TECRL: variants seen among roughly 807,000 people sequenced by gnomAD.
The protein encoded by TECRL is trans-2,3-enoyl-CoA reductase like, also known as trans-2,3-enoyl-CoA reductase-like.
TECRL carries 63 observed loss-of-function variants against 52.8 expected under a neutral mutation model. The observed-to-expected ratio is 1.19, with a 90% CI of 0.97 to 1.47. TECRL has a LOEUF of 1.47. Ranked by LOEUF, TECRL falls within the 40% of genes most tolerant of loss-of-function variation. TECRL has a pLI of 0.00. For synonymous variants in TECRL, 164 were observed against 141.9 expected, an observed-to-expected ratio of 1.16 and a Z score of -1.10; for missense variants, 482 against 429.6, an observed-to-expected ratio of 1.12 and a Z score of -1.08.
At chr4:64,367,638 G>A (rs1018423709) in intron 2 of TECRL, among the ~76,000 whole-genome samples, 4 of 136,196 alleles carry the variant, frequency 2.9e-5, no homozygotes, top group East Asian at 4.6e-4. Context: ...TTTTAATGCC[G>A]AATAAGAAAT....
At chr4:64,382,968 C>A (rs1487006444) in intron 1 of TECRL, among the ~76,000 whole-genome samples, 1 of 152,088 alleles carries the variant, frequency 6.6e-6, no homozygotes, top group South Asian at 2.1e-4. Context: ...CTTGTAGGAT[C>A]AGTCTTGTGG....
intron 1 of TECRL, among the ~76,000 whole-genome samples, chr4:64,404,145 T>C (rs1354760264): frequency 6.6e-6 from 1 of 151,162 alleles, no homozygotes; most frequent in Middle Eastern, 3.2e-3. Context: ...ATTTTTACTA[T>C]TAGAAGAATT....
chr4:64,383,784 T>A (rs1393654203), intron 1 of TECRL, among the ~76,000 whole-genome samples: 1 of 152,128 alleles, frequency 6.6e-6, no homozygotes, highest in Non-Finnish European at 1.5e-5. Context: ...ACATTTCTTG[T>A]CATGATTTCT....
intron 8 of TECRL, chr4:64,299,095 T>C (rs1723856971): frequency 1.3e-5 from 2 of 151,140 alleles, no homozygotes; most frequent in Middle Eastern, 3.4e-3. Flanking sequence ...CCAAACTATA[T>C]GCTGAAAAGA....
intron 4 of TECRL, among the ~76,000 whole-genome samples, chr4:64,315,411 C>CAAAAGATT (rs1717429209): frequency 6.6e-6 from 1 of 151,998 alleles, no homozygotes; most frequent in African/African-American, 2.4e-5. Flanking sequence ...GAAGTGATTG[C>CAAAAGATT]AAAAGATTAA....
chr4:64,299,717 A>C (rs1313697937), intron 8 of TECRL, among the ~76,000 whole-genome samples: 1 of 151,040 alleles, frequency 6.6e-6, no homozygotes. Context: ...CAGTGAGTAT[A>C]AATTTTTCAA....
At chr4:64,398,438 C>A (rs1194247222) in intron 1 of TECRL, among the ~76,000 whole-genome samples, 1 of 152,168 alleles carries the variant, frequency 6.6e-6, no homozygotes, top group African/African-American at 2.4e-5. Flanking sequence ...TGAGTTCTCA[C>A]AAGATCTGGT....
intron 2 of TECRL, among the ~76,000 whole-genome samples, chr4:64,364,214 G>T (rs1012655529): frequency 2.6e-5 from 4 of 151,838 alleles, no homozygotes; most frequent in African/African-American, 4.8e-5. Flanking sequence ...TTCAAAACTA[G>T]TGAAAACAAA....
At chr4:64,276,950 T>C, downstream of TECRL, 1 of 1,023,116 alleles carries the variant, frequency 9.8e-7, no homozygotes, top group Non-Finnish European at 1.4e-6. Flanking sequence ...TAAAAATGTG[T>C]ACATGGCTGC....
At chr4:64,355,695 G>C (rs553699890) in intron 2 of TECRL, among the ~76,000 whole-genome samples, 3 of 151,306 alleles carry the variant, frequency 2.0e-5, no homozygotes, top group South Asian at 2.1e-4. Flanking sequence ...CCAGCTACTT[G>C]GGAGGCTGAG....
At position 64,285,754 on chromosome 4, in the gene TECRL, G is replaced by A. The variant is rs1274161907; in HGVS notation, c.832+3956C>T. ...AATTGAATACAATTATCTGAAATTA[G>A]TTGAGGCCAGAGGTTGTCATCTTGG... On this transcript the variant is annotated intron_variant, in intron 9 of 11. Coordinates refer to ENST00000381210, the MANE Select transcript of TECRL (RefSeq NM_001010874.5). 2.6e-5 allele frequency among the ~76,000 whole-genome samples: 4 copies of A among 152,086 alleles called. No homozygotes were observed. In the East Asian group the frequency reaches 5.8e-4, roughly 22 times the overall value.
chr4:64,377,937 A>G (rs143293314), intron 1 of TECRL, among the ~76,000 whole-genome samples: 1,881 of 152,236 alleles, frequency 0.012, 47 homozygotes, highest in African/African-American at 0.043. Context: ...ATTAAAGTAT[A>G]AGAAAAAACA....
intron 1 of TECRL, among the ~76,000 whole-genome samples, chr4:64,389,499 C>A (rs1264556167): frequency 6.6e-6 from 1 of 151,944 alleles, no homozygotes; most frequent in Non-Finnish European, 1.5e-5. Context: ...TCTTTTTATA[C>A]AGTGTTAAAT....
intron 2 of TECRL, among the ~76,000 whole-genome samples, chr4:64,374,233 A>T (rs1308590758): frequency 2.0e-5 from 3 of 150,844 alleles, no homozygotes; most frequent in Non-Finnish European, 4.4e-5. Context: ...AAGCAATTGT[A>T]TTCCTTCCTG....
chr4:64,301,325 T>A (rs1724007293), intron 7 of TECRL, among the ~76,000 whole-genome samples: 1 of 151,152 alleles, frequency 6.6e-6, no homozygotes, highest in South Asian at 2.1e-4. Flanking sequence ...CTTAATGTTG[T>A]ACCAATTTTG....
chr4:64,282,001 A>C (rs1292182821), intron 9 of TECRL, among the ~76,000 whole-genome samples: 1 of 151,944 alleles, frequency 6.6e-6, no homozygotes, highest in East Asian at 1.9e-4. Context: ...TCCCTGTATT[A>C]AATTGGTGAA....
intron 4 of TECRL, among the ~76,000 whole-genome samples, chr4:64,316,503 G>A (rs1371832621): frequency 6.6e-6 from 1 of 152,062 alleles, no homozygotes; most frequent in African/African-American, 2.4e-5. Context: ...AAGGGGAAAA[G>A]ACGATTTATT....
intron 8 of TECRL, among the ~76,000 whole-genome samples, chr4:64,293,967 C>T (rs1360954444): frequency 6.8e-6 from 1 of 146,940 alleles, no homozygotes; most frequent in Non-Finnish European, 1.5e-5. Flanking sequence ...GCAGGTGCTA[C>T]ATATATATAT....
At chr4:64,368,472 T>C (rs1297209338) in intron 2 of TECRL, among the ~76,000 whole-genome samples, 1 of 152,064 alleles carries the variant, frequency 6.6e-6, no homozygotes. Flanking sequence ...ATTTTTGTAT[T>C]TTTAGTAGAG....
Sources: allele counts gnomAD v4.1 joint callset (sites outside exome capture counted in the v4.1 genomes callset), GRCh38; gene constraint gnomAD v4.1.1; transcripts MANE v1.5; gene names NCBI Gene and HGNC (gene_info 2026-07-23, HGNC 2026-07-21).